Variants in CTBP2 observed in about 807,000 individuals in gnomAD.
CTBP2 encodes C-terminal binding protein 2.
A neutral mutation model predicts 80.3 loss-of-function variants in CTBP2; 30 were observed. That is an observed-to-expected ratio of 0.37 (90% CI 0.28 to 0.51). The LOEUF (loss-of-function observed/expected upper bound fraction) is 0.51, where lower values mean the gene tolerates loss of function less well. Ranked by LOEUF, CTBP2 falls within the 20% of genes least tolerant of loss-of-function variation. The pLI is 0.93. For synonymous variants in CTBP2, 594 were observed against 587.4 expected, an observed-to-expected ratio of 1.01 and a Z score of -0.16; for missense variants, 1,212 against 1,375.3, an observed-to-expected ratio of 0.88 and a Z score of 1.88.
chr10:125,092,874 T>G (rs747883726), intron 2 of CTBP2, among the ~76,000 whole-genome samples: 1 of 152,098 alleles, frequency 6.6e-6, no homozygotes, highest in Admixed American at 6.6e-5. Context: ...ACACAAAGCA[T>G]GGCACACACA....
chr10:125,107,009 G>C (rs955767771), intron 2 of CTBP2, among the ~76,000 whole-genome samples: 2 of 152,248 alleles, frequency 1.3e-5, no homozygotes, highest in Non-Finnish European at 2.9e-5. Context: ...AGATGCTCAG[G>C]AGAGAAGAAC....
At chr10:125,134,041 G>C (rs1014696532) in intron 1 of CTBP2, among the ~76,000 whole-genome samples, 9 of 152,212 alleles carry the variant, frequency 5.9e-5, no homozygotes, top group Non-Finnish European at 1.3e-4. Context: ...ACAAACTACA[G>C]ATCAGATTTG....
At chr10:125,005,551 C>A (rs776061017) in intron 1 of CTBP2, 1 of 1,609,894 alleles carries the variant, frequency 6.2e-7, no homozygotes, top group Non-Finnish European at 8.5e-7. Flanking sequence ...CCTCACCAGC[C>A]CACGACCTGT....
chr10:125,041,340 C>T (rs1227220722), intron 2 of CTBP2, among the ~76,000 whole-genome samples: 2 of 152,230 alleles, frequency 1.3e-5, no homozygotes, highest in Non-Finnish European at 2.9e-5. Flanking sequence ...ACCTCAGCCT[C>T]CCAAAGTGCT....
intron 1 of CTBP2, among the ~76,000 whole-genome samples, chr10:125,150,194 T>C (rs957796394): frequency 3.9e-5 from 6 of 152,204 alleles, no homozygotes; most frequent in Non-Finnish European, 8.8e-5. Context: ...GTGCATCCCA[T>C]GGACCCAAGC....
chr10:125,039,259 T>C lies in CTBP2; in HGVS notation c.-101-104A>G, dbSNP rs72830860. 1,826 of 500,594 alleles carry C rather than the reference T, an allele frequency of 3.6e-3. 6 individuals are homozygous for C. The highest frequency in any genetic ancestry group is 5.0e-3 in the Non-Finnish European group (1,417 of 283,698). The allele number at this position is 500,594 out of a possible 1,614,324, so 31.0% of individuals were successfully genotyped here. On this transcript the variant is annotated intron_variant, in intron 2 of 10. Transcript: ENST00000337195. ...CTACTTTCTATAAGGGAACCTGCCA[T>C]GCGGACACATGGGACTTGCTCTTTT...
At chr10:125,112,107 CTTTTTTT>C (rs59148637) in intron 1 of CTBP2, among the ~76,000 whole-genome samples, 3 of 123,742 alleles carry the variant, frequency 2.4e-5, no homozygotes, top group Non-Finnish European at 3.4e-5. Flanking sequence ...CTGCATTTGA[CTTTTTTT>C]TTTTTTTTTT....
At chr10:125,099,986 TG>T (rs997376379) in intron 2 of CTBP2, among the ~76,000 whole-genome samples, 1 of 151,972 alleles carries the variant, frequency 6.6e-6, no homozygotes, top group Non-Finnish European at 1.5e-5. Context: ...TGCCAAGTCC[TG>T]GGGGGGCGGA....
intron 3 of CTBP2, among the ~76,000 whole-genome samples, chr10:125,001,956 AC>A (rs1954574292): frequency 1.4e-5 from 2 of 146,072 alleles, no homozygotes; most frequent in East Asian, 4.2e-4. Flanking sequence ...GATGTATGTA[AC>A]ACTCCGCTCA....
At chr10:125,007,772 C>T (rs913140443) in intron 1 of CTBP2, among the ~76,000 whole-genome samples, 1 of 152,142 alleles carries the variant, frequency 6.6e-6, no homozygotes, top group African/African-American at 2.4e-5. Flanking sequence ...GTGAGCTAAG[C>T]CGACATCCTT....
At chr10:125,119,154 G>T (rs2136011156) in intron 1 of CTBP2, among the ~76,000 whole-genome samples, 1 of 152,328 alleles carries the variant, frequency 6.6e-6, no homozygotes, top group Middle Eastern at 3.4e-3. Context: ...GCCCTACACA[G>T]GGCCAGAAGG....
At chr10:125,035,399 T>C (rs985627323) in intron 3 of CTBP2, among the ~76,000 whole-genome samples, 1 of 152,202 alleles carries the variant, frequency 6.6e-6, no homozygotes. Context: ...CCCTGAGTCA[T>C]GTTACAAGGG....
At chr10:125,008,038 C>T (rs1380958851) in intron 1 of CTBP2, among the ~76,000 whole-genome samples, 1 of 152,074 alleles carries the variant, frequency 6.6e-6, no homozygotes, top group African/African-American at 2.4e-5. Flanking sequence ...CCTCCACCTC[C>T]CAGGTTCAAG....
intron 1 of CTBP2, among the ~76,000 whole-genome samples, chr10:125,117,052 C>T (rs938824239): frequency 6.6e-6 from 1 of 152,348 alleles, no homozygotes; most frequent in South Asian, 2.1e-4. Context: ...GGTTCACACA[C>T]CCCCAGCCAC....
chr10:125,088,515 A>G (rs2135654497), intron 2 of CTBP2, among the ~76,000 whole-genome samples: 1 of 152,284 alleles, frequency 6.6e-6, no homozygotes, highest in South Asian at 2.1e-4. Context: ...GCTGGTCATC[A>G]CTCAATCAGC....
chr10:125,118,462 G>T (rs558595880), intron 1 of CTBP2, among the ~76,000 whole-genome samples: 1 of 152,196 alleles, frequency 6.6e-6, no homozygotes, highest in African/African-American at 2.4e-5. Flanking sequence ...GTTTTGAAAG[G>T]GGGGAAGAAA....
chr10:125,012,346 G>T, intron 1 of CTBP2, among the ~76,000 whole-genome samples: 1 of 152,182 alleles, frequency 6.6e-6, no homozygotes. Flanking sequence ...CCCAACACGG[G>T]GACGGTCCCT....
rs1952082832 is a variant in CTBP2 at position 124,987,457 on chromosome 10, T to TGACTC, written c.*2056_*2060dup. The TGACTC allele has an allele frequency of 6.6e-6, 1 of 152,190 alleles. No individual in the cohort carries two copies. Among genetic ancestry groups the TGACTC allele is most frequent in the Non-Finnish European group, 1.5e-5 (1 of 68,028 alleles). The allele number at this position is 152,190 out of a possible 1,614,324, so 9.4% of individuals were successfully genotyped here. ...ATTCAGACCTGCCTTTTTATGTTTTTGACTCTTAGGTTCATCGTGTCCCAG... is the reference window on the plus strand; with the variant it reads ...ATTCAGACCTGCCTTTTTATGTTTTTGACTCGACTCTTAGGTTCATCGTGTCCCAG... On this transcript the variant is annotated 3_prime_UTR_variant, in exon 9 of 9. Transcript: ENST00000309035.
intron 2 of CTBP2, among the ~76,000 whole-genome samples, chr10:125,063,057 C>T (rs528985122): frequency 6.6e-6 from 1 of 152,174 alleles, no homozygotes; most frequent in Non-Finnish European, 1.5e-5. Context: ...AGCTCCCCAG[C>T]AGCGAGGCAG....
Sources: gnomAD v4.1 joint callset for allele counts (sites outside exome capture counted in the v4.1 genomes callset) on GRCh38, gnomAD v4.1.1 for gene constraint, MANE v1.5 for transcripts, NCBI Gene and HGNC (gene_info 2026-07-23, HGNC 2026-07-21) for gene names.